The following KCNIP4 variants were observed in gnomAD, a reference collection of about 807,000 sequenced individuals.
KCNIP4 encodes the protein potassium voltage-gated channel interacting protein 4.
A neutral mutation model predicts 34.0 loss-of-function variants in KCNIP4; 12 were observed. That is an observed-to-expected ratio of 0.35 (90% CI 0.23 to 0.57). KCNIP4 has a LOEUF of 0.57. Ranked by LOEUF, KCNIP4 falls within the 20% of genes least tolerant of loss-of-function variation. The probability of loss-of-function intolerance (pLI) is 0.83; values close to 1 mark genes in which losing one functional copy is unlikely to be tolerated. For missense variants in KCNIP4, 238 were observed against 311.7 expected, an observed-to-expected ratio of 0.76 and a Z score of 1.78; for synonymous variants, 124 against 102.2, an observed-to-expected ratio of 1.21 and a Z score of -1.29.
Position 20,845,433 on chromosome 4 carries a change from A to C in KCNIP4, c.288+5110T>G, listed in dbSNP as rs80046764. 2.0e-5 allele frequency among the ~76,000 whole-genome samples: 3 copies of C among 152,082 alleles called. No individual in the cohort carries two copies. The East Asian group carries it at 5.8e-4, about 29-fold the overall frequency. The stretch of plus-strand genomic sequence containing the variant: ...CAACCTTCTTCCCCTGCCCACAATA[A>C]ATGGCCCCTAACTGTAACTTTCCAC... On this transcript the variant is annotated intron_variant, in intron 3 of 8. Transcript: ENST00000382152.
chr4:20,913,871 C>T (rs1466629524), intron 1 of KCNIP4, among the ~76,000 whole-genome samples: 1 of 152,186 alleles, frequency 6.6e-6, no homozygotes, highest in African/African-American at 2.4e-5. Flanking sequence ...CAGTACCAGG[C>T]ATGGCCAGGC....
intron 1 of KCNIP4, among the ~76,000 whole-genome samples, chr4:21,463,052 AT>A (rs1388090366): frequency 2.6e-5 from 4 of 152,018 alleles, no homozygotes; most frequent in African/African-American, 9.7e-5. Context: ...TTGCTGGATC[AT>A]AAGGTAGTCC....
Position 21,138,970 on chromosome 4 carries a change from C to A in KCNIP4, c.62-256261G>T, listed in dbSNP as rs150589811. Among the ~76,000 whole-genome samples, 279 of 152,292 alleles carry A rather than the reference C, an allele frequency of 1.8e-3. 1 individual carries two copies. The highest frequency in any genetic ancestry group is 6.4e-3 in the African/African-American group (265 of 41,550). On this transcript the variant is annotated intron_variant, in intron 1 of 8. Transcript: ENST00000382152. ...TAGTGAAAGTCATTCAGACTTCTGA[C>A]CTCCAAAACGATAAGGTAATAAATG...
At chr4:21,787,224 G>A (rs972498566) in intron 1 of KCNIP4, among the ~76,000 whole-genome samples, 23 of 152,224 alleles carry the variant, frequency 1.5e-4, no homozygotes, top group African/African-American at 4.3e-4. Flanking sequence ...AATAAATTTC[G>A]TGTTTAGGCT....
At chr4:21,187,739 G>A (rs1755347466) in intron 1 of KCNIP4, among the ~76,000 whole-genome samples, 1 of 151,660 alleles carries the variant, frequency 6.6e-6, no homozygotes, top group Admixed American at 6.6e-5. Context: ...TTCTCTGCCT[G>A]CAGATCATGC....
intron 1 of KCNIP4, among the ~76,000 whole-genome samples, chr4:21,102,329 C>T (rs1356497641): frequency 2.0e-5 from 3 of 152,080 alleles, no homozygotes; most frequent in Non-Finnish European, 4.4e-5. Context: ...ATTATGCTAT[C>T]CATAAATTAC....
intron 1 of KCNIP4, among the ~76,000 whole-genome samples, chr4:21,858,249 A>G (rs1285953100): frequency 6.6e-6 from 1 of 152,242 alleles, no homozygotes; most frequent in Non-Finnish European, 1.5e-5. Context: ...AGAAGTTTCC[A>G]GCTGGTGAAG....
At chr4:21,013,385 C>G (rs1213088129) in intron 1 of KCNIP4, among the ~76,000 whole-genome samples, 3 of 152,100 alleles carry the variant, frequency 2.0e-5, no homozygotes, top group Admixed American at 6.5e-5. Context: ...ACAGAGGATA[C>G]AGCTTGATGC....
intron 1 of KCNIP4, among the ~76,000 whole-genome samples, chr4:21,046,071 G>A (rs1033530329): frequency 3.1e-4 from 47 of 152,186 alleles, no homozygotes; most frequent in Admixed American, 7.2e-4. Flanking sequence ...TGCATTTATT[G>A]GGATTACCTG....
In KCNIP4 at chr4:20,732,774, A is replaced by G; in HGVS notation, c.549T>C (p.Asp183=). 3 of 1,602,568 alleles carry G rather than the reference A, an allele frequency of 1.9e-6. No homozygotes were observed. Among genetic ancestry groups the G allele is most frequent in the South Asian group, 1.1e-5 (1 of 90,806 alleles). Reference sequence around the variant, plus strand: ...TCATATCGTATATTGCTTTCATTATATCAAGCATTTCCTGAAAAATAAAAG... The same window carrying G: ...TCATATCGTATATTGCTTTCATTATGTCAAGCATTTCCTGAAAAATAAAAG... ...DGYITKEEML[D]IMKAIYDMMG... The change falls in exon 7 of 9, where the codon GAT becomes GAC. Residue 183 remains aspartate (D), a synonymous_variant. Transcript: ENST00000382152.
At chr4:21,511,473 G>A (rs566294193) in intron 1 of KCNIP4, among the ~76,000 whole-genome samples, 6 of 152,022 alleles carry the variant, frequency 3.9e-5, no homozygotes, top group South Asian at 2.1e-4. Flanking sequence ...CAAAAGACAC[G>A]TACATGAAAA....
intron 1 of KCNIP4, among the ~76,000 whole-genome samples, chr4:21,297,259 G>A (rs925856829): frequency 1.3e-5 from 2 of 151,930 alleles, no homozygotes; most frequent in Non-Finnish European, 2.9e-5. Flanking sequence ...CATCTGTGGG[G>A]TATCTGAACT....
At chr4:21,081,984 T>A (rs994718258) in intron 1 of KCNIP4, among the ~76,000 whole-genome samples, 1 of 151,832 alleles carries the variant, frequency 6.6e-6, no homozygotes, top group Non-Finnish European at 1.5e-5. Flanking sequence ...ATGGTACTAA[T>A]CCAACACTGA....
chr4:21,019,859 A>T (rs1029873240), intron 1 of KCNIP4, among the ~76,000 whole-genome samples: 1 of 152,180 alleles, frequency 6.6e-6, no homozygotes, highest in Admixed American at 6.5e-5. Context: ...TTGAAAAGGA[A>T]GAGGAAAGAA....
intron 1 of KCNIP4, among the ~76,000 whole-genome samples, chr4:21,683,096 G>A (rs1232691078): frequency 2.0e-5 from 3 of 152,168 alleles, no homozygotes; most frequent in African/African-American, 7.2e-5. Context: ...ACAATACGAT[G>A]AGGCATGCCT....
chr4:20,761,545 G>A (rs1754961980), intron 3 of KCNIP4, among the ~76,000 whole-genome samples: 1 of 152,276 alleles, frequency 6.6e-6, no homozygotes, highest in African/African-American at 2.4e-5. Context: ...ATAGTAAGGA[G>A]AGAGTAAATA....
At chr4:20,770,990 A>T (rs1755825477) in intron 3 of KCNIP4, among the ~76,000 whole-genome samples, 1 of 152,212 alleles carries the variant, frequency 6.6e-6, no homozygotes, top group Non-Finnish European at 1.5e-5. Flanking sequence ...ACAACTATTT[A>T]CACAGCATTT....
intron 1 of KCNIP4, among the ~76,000 whole-genome samples, chr4:21,328,417 C>G (rs1169097241): frequency 6.6e-6 from 1 of 152,138 alleles, no homozygotes; most frequent in Non-Finnish European, 1.5e-5. Context: ...TTCTCTGAAA[C>G]AAACAGAGTC....
intron 1 of KCNIP4, among the ~76,000 whole-genome samples, chr4:21,093,979 G>C (rs932082533): frequency 1.1e-4 from 17 of 152,080 alleles, no homozygotes; most frequent in African/African-American, 4.1e-4. Flanking sequence ...CTACTCAGGA[G>C]GCTGAGGCAG....
Sources: gnomAD v4.1 joint callset for allele counts (sites outside exome capture counted in the v4.1 genomes callset) on GRCh38, gnomAD v4.1.1 for gene constraint, MANE v1.5 for transcripts, NCBI Gene and HGNC (gene_info 2026-07-23, HGNC 2026-07-21) for gene names.